The following ANO10 variants were observed in gnomAD, a reference collection of about 807,000 sequenced individuals.
ANO10 encodes the protein anoctamin-10.
A neutral mutation model predicts 74.7 loss-of-function variants in ANO10; 77 were observed. The observed-to-expected ratio is 1.03, with a 90% CI of 0.86 to 1.25. The LOEUF (loss-of-function observed/expected upper bound fraction) is 1.25. Among genes scored for constraint, ANO10 ranks in the 50% most tolerant of loss-of-function variants. The pLI, the probability that ANO10 is intolerant of heterozygous loss-of-function variation, is 0.00. For synonymous variants in ANO10, 279 were observed against 284.9 expected (o/e 0.98, Z 0.21); for missense variants, 721 against 778.1 (o/e 0.93, Z 0.87).
intron 11 of ANO10, among the ~76,000 whole-genome samples, chr3:43,490,694 G>A (rs1378136142): frequency 6.6e-6 from 1 of 152,208 alleles, no homozygotes; most frequent in Non-Finnish European, 1.5e-5. Context: ...AAATATTGAT[G>A]CAAAGATTCT....
At chr3:43,516,542 C>T (rs766675710) in intron 11 of ANO10, among the ~76,000 whole-genome samples, 4 of 152,282 alleles carry the variant, frequency 2.6e-5, no homozygotes, top group African/African-American at 9.6e-5. Context: ...AGGAAACCAG[C>T]AAAGGCTTTT....
upstream of ANO10, among the ~76,000 whole-genome samples, chr3:43,624,261 G>A (rs2083473371): frequency 6.6e-6 from 1 of 152,114 alleles, no homozygotes; most frequent in South Asian, 2.1e-4. Flanking sequence ...ATGTTTTTTC[G>A]ACCTGATAGC....
At chr3:43,371,855 TTTTA>T (rs1264248703) in intron 12 of ANO10, among the ~76,000 whole-genome samples, 4 of 152,154 alleles carry the variant, frequency 2.6e-5, no homozygotes, top group African/African-American at 9.7e-5. Flanking sequence ...TTCACAGACT[TTTTA>T]TTTGTTATCT....
intron 12 of ANO10, among the ~76,000 whole-genome samples, chr3:43,381,159 G>A (rs902686076): frequency 1.3e-5 from 2 of 152,046 alleles, no homozygotes; most frequent in Non-Finnish European, 1.5e-5. Context: ...TGACACATGG[G>A]GATTATGGAA....
chr3:43,617,550 A>G (rs2149534634), intron 1 of ANO10, among the ~76,000 whole-genome samples: 1 of 152,300 alleles, frequency 6.6e-6, no homozygotes, highest in East Asian at 1.9e-4. Context: ...CAACTGGATC[A>G]CTGGCCCACA....
chr3:43,403,595 G>A (rs2092522855), intron 12 of ANO10, among the ~76,000 whole-genome samples: 1 of 152,190 alleles, frequency 6.6e-6, no homozygotes, highest in Admixed American at 6.5e-5. Flanking sequence ...CTGATGGATA[G>A]GATAACCCTG....
chr3:43,380,544 C>T (rs190539246), intron 12 of ANO10, among the ~76,000 whole-genome samples: 1 of 152,266 alleles, frequency 6.6e-6, no homozygotes, highest in East Asian at 1.9e-4. Context: ...TATCTTTAGC[C>T]TCCTTAAACA....
chr3:43,415,523 C>T (rs1161057070), intron 12 of ANO10, among the ~76,000 whole-genome samples: 3 of 151,640 alleles, frequency 2.0e-5, no homozygotes, highest in African/African-American at 7.3e-5. Flanking sequence ...AATGACAGTT[C>T]TTATTTTTTC....
intron 11 of ANO10, among the ~76,000 whole-genome samples, chr3:43,513,152 A>G (rs1394443515): frequency 2.0e-5 from 3 of 152,204 alleles, no homozygotes; most frequent in African/African-American, 4.8e-5. Flanking sequence ...GGAAAGCAAC[A>G]TCAGACCAGG....
intron 11 of ANO10, among the ~76,000 whole-genome samples, chr3:43,466,369 C>CAAAAAAAA (rs36126977): frequency 6.6e-5 from 3 of 45,372 alleles, no homozygotes; most frequent in Non-Finnish European, 1.3e-4. Context: ...GACTCCATCT[C>CAAAAAAAA]AAAAAAAAAA....
At chr3:43,449,052 T>C (rs1329510888) in intron 11 of ANO10, among the ~76,000 whole-genome samples, 7 of 152,032 alleles carry the variant, frequency 4.6e-5, no homozygotes, top group Non-Finnish European at 1.0e-4. Context: ...AAGTTTTGTA[T>C]TTTTAATAGA....
chr3:43,385,556 C>T (rs1440136740), intron 12 of ANO10, among the ~76,000 whole-genome samples: 3 of 152,146 alleles, frequency 2.0e-5, no homozygotes, highest in South Asian at 4.1e-4. Context: ...GGTGTATATA[C>T]CATGGAATAC....
At chr3:43,492,233 C>T (rs57128964) in intron 11 of ANO10, among the ~76,000 whole-genome samples, 2,384 of 152,192 alleles carry the variant, frequency 0.016, 67 homozygotes, top group African/African-American at 0.054. Flanking sequence ...AACTGGCTAG[C>T]CATATGAAGA....
At chr3:43,397,412 C>CG (rs1343468345) in intron 12 of ANO10, among the ~76,000 whole-genome samples, 10 of 151,948 alleles carry the variant, frequency 6.6e-5, no homozygotes, top group Non-Finnish European at 1.2e-4. Context: ...CATCATGGGG[C>CG]GGGGGGCGTA....
At position 43,643,678 on chromosome 3, in the gene ANO10, C is replaced by CTTTTTTTTTTTTTTTTTTTTTTTTTTTTT. The variant is rs1310556861; in HGVS notation, c.-11-37816_-11-37815insAAAAAAAAAAAAAAAAAAAAAAAAAAAAA. ...AAGCTTTTCATGTACTTGTCCTCAT[C>CTTTTTTTTTTTTTTTTTTTTTTTTTTTTT]TTTTCTTTTTTTTTTTTTTTTTTTA... On this transcript the variant is annotated intron_variant, in intron 1 of 3. Transcript: ENST00000413397. Among the ~76,000 whole-genome samples the CTTTTTTTTTTTTTTTTTTTTTTTTTTTTT allele has an allele frequency of 3.0e-5, 4 of 133,616 alleles. 1 individual carries two copies. Among genetic ancestry groups the CTTTTTTTTTTTTTTTTTTTTTTTTTTTTT allele is most frequent in the African/African-American group, 1.2e-4 (4 of 32,074 alleles). The allele number at this position is 133,616 out of a possible 152,430, so 87.7% of individuals were successfully genotyped here.
At chr3:43,376,841 C>G (rs183616499) in intron 12 of ANO10, among the ~76,000 whole-genome samples, 2 of 152,216 alleles carry the variant, frequency 1.3e-5, no homozygotes, top group African/African-American at 4.8e-5. Context: ...AACAGAAATG[C>G]GAAGAGGAGA....
At chr3:43,680,593 T>C (rs767562979) in intron 1 of ANO10, among the ~76,000 whole-genome samples, 6 of 152,078 alleles carry the variant, frequency 3.9e-5, no homozygotes, top group South Asian at 2.1e-4. Flanking sequence ...ACCACAAAGA[T>C]ACTCCTCGAG....
intron 1 of ANO10, among the ~76,000 whole-genome samples, chr3:43,656,933 A>T (rs980929035): frequency 6.6e-6 from 1 of 152,254 alleles, no homozygotes; most frequent in African/African-American, 2.4e-5. Flanking sequence ...GCCCAGGCAG[A>T]GGAGGCGCTG....
In ANO10 at chr3:43,559,363, G is replaced by A. The variant is rs754141205; in HGVS notation, c.1476+1857C>T. ...TGTTTTGGGTACTTCAGGAGATAAT[G>A]TTGTTTGCCCAAACTATTTCAGAGA... is the stretch of plus-strand genomic sequence containing the variant. On this transcript the variant is annotated intron_variant, in intron 9 of 12. Coordinates refer to ENST00000292246, the MANE Select transcript of ANO10 (RefSeq NM_018075.5). 6.6e-5 allele frequency among the ~76,000 whole-genome samples: 10 copies of A among 152,324 alleles called. No individual in the cohort carries two copies. In the South Asian group the frequency reaches 1.0e-3, roughly 16 times the overall value.
Sources: allele counts gnomAD v4.1 joint callset (sites outside exome capture counted in the v4.1 genomes callset), GRCh38; gene constraint gnomAD v4.1.1; transcripts MANE v1.5; gene names NCBI Gene and HGNC (gene_info 2026-07-23, HGNC 2026-07-21).